ARID1B: variants seen among roughly 807,000 people sequenced by gnomAD.
ARID1B encodes the protein AT-rich interaction domain 1B.
Under a neutral mutation model 212.3 loss-of-function variants are expected in ARID1B, and 30 were observed. The ratio of observed to expected loss-of-function variants is 0.14; its 90% CI spans 0.11 to 0.19. ARID1B has a LOEUF of 0.19. ARID1B is among the 10% of genes least tolerant of loss of function. The pLI is 1.00. For missense variants in ARID1B, 2,891 were observed against 3,204.0 expected (o/e 0.90, Z 2.36); for synonymous variants, 1,402 against 1,301.7 (o/e 1.08, Z -1.66).
chr6:157,083,409 G>T (rs772861652), intron 4 of ARID1B, among the ~76,000 whole-genome samples: 1 of 152,224 alleles, frequency 6.6e-6, no homozygotes, highest in Non-Finnish European at 1.5e-5. Flanking sequence ...CAACGGGGAT[G>T]CACTGAGCAC....
In ARID1B at chr6:156,897,171, ATTC is replaced by A. The variant is rs950719415; in HGVS notation, c.1987-4199_1987-4197del. ...CTTTATTTAGAAATGAGTGAAGCAAATTCTTCTTTTGCTGCTGCTACTGCTGCT... is the reference window on the plus strand; with the variant it reads ...CTTTATTTAGAAATGAGTGAAGCAAATTCTTTTGCTGCTGCTACTGCTGCT... On this transcript the variant is annotated intron_variant, in intron 2 of 19. Transcript: ENST00000636930. 1.8e-4 allele frequency among the ~76,000 whole-genome samples: 27 copies of A among 149,102 alleles called. 1 individual carries two copies. Among genetic ancestry groups the A allele is most frequent in the Admixed American group, 1.3e-3 (19 of 15,082 alleles).
At chr6:156,878,991 G>T (rs889778068) in intron 2 of ARID1B, among the ~76,000 whole-genome samples, 1 of 152,230 alleles carries the variant, frequency 6.6e-6, no homozygotes, top group Non-Finnish European at 1.5e-5. Flanking sequence ...TGGACAAAGA[G>T]GTAAAGCAGT....
At chr6:157,106,051 C>T (rs1016484166) in intron 5 of ARID1B, among the ~76,000 whole-genome samples, 3 of 152,094 alleles carry the variant, frequency 2.0e-5, no homozygotes, top group Non-Finnish European at 4.4e-5. Flanking sequence ...CCAACAATCC[C>T]ACTTCAGGGA....
At chr6:156,995,067 G>A (rs1449942843) in intron 4 of ARID1B, among the ~76,000 whole-genome samples, 1 of 152,182 alleles carries the variant, frequency 6.6e-6, no homozygotes, top group African/African-American at 2.4e-5. Context: ...CAGCAGAGGA[G>A]GACCTGCACC....
intron 15 of ARID1B, 113 bp from the exon 16 acceptor site, chr6:157,196,052 C>G: frequency 2.2e-6 from 3 of 1,333,962 alleles, no homozygotes; most frequent in Admixed American, 4.5e-5. Flanking sequence ...GAGTGAGACT[C>G]CATCTCAAAA....
intron 4 of ARID1B, among the ~76,000 whole-genome samples, chr6:156,950,226 T>C (rs577080571): frequency 6.6e-6 from 1 of 152,324 alleles, no homozygotes; most frequent in East Asian, 1.9e-4. Flanking sequence ...TAGGTACAGA[T>C]CTACTTGGTT....
At chr6:156,825,781 T>C (rs190704103) in intron 1 of ARID1B, among the ~76,000 whole-genome samples, 11 of 152,364 alleles carry the variant, frequency 7.2e-5, no homozygotes, top group Admixed American at 2.6e-4. Context: ...AGCCTCTCCA[T>C]AGGTCCTTCA....
intron 4 of ARID1B, chr6:156,943,726 A>G (rs1378507190): frequency 2.6e-5 from 4 of 151,874 alleles, no homozygotes; most frequent in Admixed American, 2.6e-4. Context: ...CTCACTTACT[A>G]ATAGCTAATT....
intron 6 of ARID1B, among the ~76,000 whole-genome samples, chr6:157,114,792 G>C (rs1386749936): frequency 6.6e-6 from 1 of 152,164 alleles, no homozygotes; most frequent in Non-Finnish European, 1.5e-5. Flanking sequence ...GACAAGAGAT[G>C]ATGGAGAGTG....
At chr6:156,884,216 G>A (rs995369673) in intron 2 of ARID1B, among the ~76,000 whole-genome samples, 1 of 152,096 alleles carries the variant, frequency 6.6e-6, no homozygotes, top group African/African-American at 2.4e-5. Flanking sequence ...TTCTTCCTCC[G>A]AGTTGGCGTC....
At chr6:156,924,801 A>G (rs925654244) in intron 3 of ARID1B, among the ~76,000 whole-genome samples, 1 of 152,186 alleles carries the variant, frequency 6.6e-6, no homozygotes, top group African/African-American at 2.4e-5. Flanking sequence ...AAAAATTATT[A>G]GATACATTAC....
chr6:157,026,293 C>T (rs139866470), intron 4 of ARID1B, among the ~76,000 whole-genome samples: 1 of 152,284 alleles, frequency 6.6e-6, no homozygotes, highest in African/African-American at 2.4e-5. Flanking sequence ...TTTCTTTTTC[C>T]AGACAATACT....
At chr6:157,025,931 T>TC (rs1780629199) in intron 4 of ARID1B, among the ~76,000 whole-genome samples, 1 of 152,154 alleles carries the variant, frequency 6.6e-6, no homozygotes, top group Non-Finnish European at 1.5e-5. Context: ...GAATAGATTT[T>TC]TTTTTTTTTT....
At chr6:157,022,428 T>C (rs1272692603) in intron 4 of ARID1B, 3 of 152,264 alleles carry the variant, frequency 2.0e-5, no homozygotes, top group African/African-American at 7.2e-5. Context: ...TGTTCTTAAT[T>C]AAATGCTGAA....
intron 4 of ARID1B, among the ~76,000 whole-genome samples, chr6:156,989,293 G>A (rs1320067078): frequency 6.6e-6 from 1 of 152,152 alleles, no homozygotes; most frequent in Non-Finnish European, 1.5e-5. Flanking sequence ...TTGGCTGTTG[G>A]CATTTTTGCT....
chr6:157,136,560 CAT>C (rs1788923027), intron 7 of ARID1B, among the ~76,000 whole-genome samples: 1 of 152,128 alleles, frequency 6.6e-6, no homozygotes, highest in Non-Finnish European at 1.5e-5. Flanking sequence ...GGCATGGAAA[CAT>C]ATATATAAAA....
chr6:156,996,352 T>C (rs1246969327), intron 4 of ARID1B, among the ~76,000 whole-genome samples: 2 of 152,174 alleles, frequency 1.3e-5, no homozygotes. Flanking sequence ...TATTCTGAAA[T>C]GTCCCCAGTC....
chr6:157,158,666 C>CT (rs1196472570), intron 8 of ARID1B, among the ~76,000 whole-genome samples: 1 of 152,208 alleles, frequency 6.6e-6, no homozygotes, highest in Non-Finnish European at 1.5e-5. Context: ...CACTCTGCTT[C>CT]TGTGGCTCCT....
intron 4 of ARID1B, among the ~76,000 whole-genome samples, chr6:157,009,171 C>A (rs1432026744): frequency 6.6e-6 from 1 of 151,652 alleles, no homozygotes; most frequent in Non-Finnish European, 1.5e-5. Context: ...TGCTCACAGT[C>A]ATTTGTAGGA....
Sources: allele counts gnomAD v4.1 joint callset (sites outside exome capture counted in the v4.1 genomes callset), GRCh38; gene constraint gnomAD v4.1.1; transcripts MANE v1.5; gene names NCBI Gene and HGNC (gene_info 2026-07-23, HGNC 2026-07-21).